TENM2: variants seen among roughly 807,000 people sequenced by gnomAD.
TENM2 encodes teneurin transmembrane protein 2.
Under a neutral mutation model 245.2 loss-of-function variants are expected in TENM2, and 52 were observed. That is an observed-to-expected ratio of 0.21 (90% CI 0.17 to 0.27). TENM2 has a LOEUF of 0.27. Among genes scored for constraint, TENM2 ranks in the 10% least tolerant of loss-of-function variants. The pLI is 1.00. For missense variants in TENM2, 3,046 were observed against 3,666.8 expected (o/e 0.83, Z 4.37); for synonymous variants, 1,363 against 1,438.9 (o/e 0.95, Z 1.19).
chr5:167,730,628 A>T (rs190003330), intron 2 of TENM2, among the ~76,000 whole-genome samples: 2 of 151,972 alleles, frequency 1.3e-5, no homozygotes, highest in Non-Finnish European at 2.9e-5. Flanking sequence ...ATCTATTTCA[A>T]TTTTCTTTGT....
chr5:168,037,322 C>T (rs1031293818), intron 5 of TENM2, among the ~76,000 whole-genome samples: 1 of 142,460 alleles, frequency 7.0e-6, no homozygotes, highest in Non-Finnish European at 1.5e-5. Context: ...ATTTGCTCAA[C>T]ATCCTTACTT....
At chr5:167,245,310 G>T in the TENM2 span, among the ~76,000 whole-genome samples, 1 of 152,158 alleles carries the variant, frequency 6.6e-6, no homozygotes. Context: ...ACTAGCTAAA[G>T]TGTATAAAAT....
chr5:167,868,374 AATATG>A (rs1415484353), intron 2 of TENM2, among the ~76,000 whole-genome samples: 4 of 152,134 alleles, frequency 2.6e-5, no homozygotes, highest in Non-Finnish European at 4.4e-5. Context: ...ATAAATACAT[AATATG>A]ATATAAATAC....
chr5:167,240,997 T>C, the TENM2 span, among the ~76,000 whole-genome samples: 4 of 152,196 alleles, frequency 2.6e-5, no homozygotes, highest in Non-Finnish European at 5.9e-5. Context: ...GTTCTAGTGA[T>C]AGCTCAAAAC....
At chr5:167,909,616 T>A (rs1275798560) in intron 3 of TENM2, among the ~76,000 whole-genome samples, 1 of 152,182 alleles carries the variant, frequency 6.6e-6, no homozygotes, top group Non-Finnish European at 1.5e-5. Context: ...TAACAATCAA[T>A]CATCAAATCT....
chr5:167,534,272 G>C (rs978704603), intron 2 of TENM2, among the ~76,000 whole-genome samples: 1 of 152,224 alleles, frequency 6.6e-6, no homozygotes, highest in South Asian at 2.1e-4. Context: ...TAAAATAGGC[G>C]TTCTAAGGGA....
the TENM2 span, among the ~76,000 whole-genome samples, chr5:167,222,181 T>C: frequency 2.0e-5 from 3 of 152,172 alleles, no homozygotes; most frequent in Admixed American, 2.0e-4. Context: ...AGATTTGTAT[T>C]TGTGATAAAA....
chr5:167,251,735 G>T, the TENM2 span, among the ~76,000 whole-genome samples: 1 of 152,106 alleles, frequency 6.6e-6, no homozygotes, highest in Non-Finnish European at 1.5e-5. Context: ...GATTAAGAAA[G>T]AATTGAATTG....
At chr5:167,871,417 G>GA (rs112384930) in intron 2 of TENM2, among the ~76,000 whole-genome samples, 41,461 of 150,028 alleles carry the variant, frequency 0.28, 6,412 homozygotes, top group African/African-American at 0.43. Context: ...CTTTAATCAG[G>GA]AAAAAAAAAA....
At chr5:167,477,581 A>C (rs115499224) in intron 2 of TENM2, among the ~76,000 whole-genome samples, 2 of 152,168 alleles carry the variant, frequency 1.3e-5, no homozygotes, top group Non-Finnish European at 2.9e-5. Context: ...GTTATCTACA[A>C]AATAAGTTTG....
intron 2 of TENM2, among the ~76,000 whole-genome samples, chr5:167,427,578 C>CGGGAAGGAA (rs1763918625): frequency 2.3e-5 from 1 of 43,200 alleles, no homozygotes; most frequent in East Asian, 7.3e-4. Context: ...GAAGGAAGGA[C>CGGGAAGGAA]GGGAAGGAAG....
intron 12 of TENM2, among the ~76,000 whole-genome samples, chr5:168,149,850 T>C (rs973483374): frequency 3.3e-5 from 5 of 152,222 alleles, no homozygotes; most frequent in Admixed American, 6.5e-5. Context: ...TCTCTGTCCT[T>C]CCAACACCCC....
the TENM2 span, among the ~76,000 whole-genome samples, chr5:167,062,470 T>G: frequency 2.7e-5 from 4 of 149,334 alleles, no homozygotes; most frequent in East Asian, 7.9e-4. Flanking sequence ...AAATGAAAAA[T>G]TCACTAAGAC....
intron 2 of TENM2, among the ~76,000 whole-genome samples, chr5:167,681,667 C>T (rs914606514): frequency 6.6e-6 from 1 of 151,764 alleles, no homozygotes; most frequent in Admixed American, 6.6e-5. Flanking sequence ...TATATGTATG[C>T]ATATCATATA....
chr5:167,705,377 A>G (rs1205624518), intron 2 of TENM2, among the ~76,000 whole-genome samples: 2 of 152,132 alleles, frequency 1.3e-5, no homozygotes, highest in African/African-American at 2.4e-5. Flanking sequence ...AGAGTAATTG[A>G]TAGAAACCTG....
At position 168,136,949 on chromosome 5, in the gene TENM2, C is replaced by G. The variant is rs563936713; in HGVS notation, c.2422+9983C>G. Among the ~76,000 whole-genome samples the G allele has an allele frequency of 5.3e-5, 8 of 152,290 alleles. No homozygotes were observed. In the East Asian group the frequency reaches 1.5e-3, roughly 29 times the overall value. ...CTCCCTCCTTCATAATAATCGCATC[C>G]CAGTTGGAATGGAGAGGGGACTGCT... On this transcript the variant is annotated intron_variant, in intron 12 of 28. Transcript: ENST00000518659.
chr5:167,449,254 T>C (rs373202546), intron 2 of TENM2, among the ~76,000 whole-genome samples: 3 of 152,256 alleles, frequency 2.0e-5, no homozygotes, highest in South Asian at 4.1e-4. Flanking sequence ...AAATGAAGCA[T>C]TGGCAAATTA....
At chr5:167,507,559 G>T (rs1389849219) in intron 2 of TENM2, among the ~76,000 whole-genome samples, 1 of 152,166 alleles carries the variant, frequency 6.6e-6, no homozygotes, top group African/African-American at 2.4e-5. Context: ...CGAGATGAAT[G>T]TAGGCTTCAC....
At chr5:167,474,758 C>T (rs373390841) in intron 2 of TENM2, among the ~76,000 whole-genome samples, 1 of 152,060 alleles carries the variant, frequency 6.6e-6, no homozygotes, top group Non-Finnish European at 1.5e-5. Flanking sequence ...TCAGGTGATC[C>T]GCTCGCCTCA....
Sources: allele counts gnomAD v4.1 joint callset (sites outside exome capture counted in the v4.1 genomes callset), GRCh38; gene constraint gnomAD v4.1.1; transcripts MANE v1.5; gene names NCBI Gene and HGNC (gene_info 2026-07-23, HGNC 2026-07-21).